ADAMTS6: variants seen among roughly 807,000 people sequenced by gnomAD.
ADAMTS6 encodes A disintegrin and metalloproteinase with thrombospondin motifs 6.
In ADAMTS6, 23 loss-of-function variants were observed where a neutral mutation model predicts 144.3. The observed-to-expected ratio is 0.16, with a 90% CI of 0.11 to 0.23. ADAMTS6 has a LOEUF of 0.23. ADAMTS6 is among the 10% of genes least tolerant of loss of function. The probability of loss-of-function intolerance (pLI) is 1.00; values close to 1 mark genes in which losing one functional copy is unlikely to be tolerated. For missense variants in ADAMTS6, 999 were observed against 1,379.6 expected (o/e 0.72, Z 4.37); for synonymous variants, 444 against 457.5 (o/e 0.97, Z 0.38).
chr5:65,324,812 C>A (rs1288245218), intron 9 of ADAMTS6, among the ~76,000 whole-genome samples: 1 of 152,080 alleles, frequency 6.6e-6, no homozygotes, highest in Non-Finnish European at 1.5e-5. Flanking sequence ...TCATTAAACA[C>A]CATGCTACCA....
At chr5:65,177,125 C>T (rs369078650) in intron 22 of ADAMTS6, among the ~76,000 whole-genome samples, 35 of 152,272 alleles carry the variant, frequency 2.3e-4, no homozygotes, top group African/African-American at 8.4e-4. Context: ...AAGGACCCTA[C>T]CTTGTGCTGT....
chr5:65,375,953 C>T lies in ADAMTS6; in HGVS notation c.1074-41868G>A, dbSNP rs541481786. ...GCCGTAAAAAATGATGAGTTCATGT[C>T]GTTTGTAGGGACATGGATGAAATTG... On this transcript the variant is annotated intron_variant, in intron 7 of 24. Coordinates refer to ENST00000381055, the MANE Select transcript of ADAMTS6 (RefSeq NM_197941.4). Among the ~76,000 whole-genome samples the T allele has an allele frequency of 7.2e-4, 110 of 152,260 alleles. 1 individual carries two copies. The highest frequency in any genetic ancestry group is 3.1e-3 in the Admixed American group (47 of 15,304).
At chr5:65,371,646 T>C (rs1457689638) in intron 7 of ADAMTS6, among the ~76,000 whole-genome samples, 2 of 152,146 alleles carry the variant, frequency 1.3e-5, no homozygotes, top group South Asian at 4.1e-4. Flanking sequence ...TACGTCTGAT[T>C]GGTGTACCTG....
At chr5:65,297,093 T>C in intron 10 of ADAMTS6, 1 of 412,390 alleles carries the variant, frequency 2.4e-6, no homozygotes, top group Non-Finnish European at 4.7e-6. Flanking sequence ...CGCAGGCAGA[T>C]AGGAAAGACA....
At chr5:65,466,829 T>G (rs930333716) in intron 3 of ADAMTS6, among the ~76,000 whole-genome samples, 2 of 152,030 alleles carry the variant, frequency 1.3e-5, no homozygotes, top group Non-Finnish European at 2.9e-5. Context: ...GATCACGAGG[T>G]CAGGAGATCG....
chr5:65,439,569 G>A (rs532151401), intron 7 of ADAMTS6, among the ~76,000 whole-genome samples: 3 of 152,162 alleles, frequency 2.0e-5, no homozygotes, highest in South Asian at 2.1e-4. Context: ...AAAGTCAAGC[G>A]AAAGAAAGGC....
At chr5:65,289,137 T>C (rs1742039411) in intron 11 of ADAMTS6, among the ~76,000 whole-genome samples, 1 of 152,200 alleles carries the variant, frequency 6.6e-6, no homozygotes, top group South Asian at 2.1e-4. Flanking sequence ...CACGATAAAA[T>C]ACTTAAAACT....
intron 7 of ADAMTS6, among the ~76,000 whole-genome samples, chr5:65,354,707 T>A (rs1325693861): frequency 2.6e-5 from 4 of 151,838 alleles, no homozygotes; most frequent in African/African-American, 9.7e-5. Context: ...ATATCTCTTT[T>A]ACTAAATATT....
At chr5:65,436,857 CA>C (rs34040574) in intron 7 of ADAMTS6, among the ~76,000 whole-genome samples, 4,672 of 114,528 alleles carry the variant, frequency 0.041, 84 homozygotes, top group South Asian at 0.074. Context: ...GACTCTGTCT[CA>C]AAAAAAAAAA....
chr5:65,285,525 T>A (rs1008194547), intron 11 of ADAMTS6, among the ~76,000 whole-genome samples: 1 of 152,166 alleles, frequency 6.6e-6, no homozygotes, highest in African/African-American at 2.4e-5. Flanking sequence ...TATCAGCTCA[T>A]TCATTCAACA....
At chr5:65,216,283 C>T (rs1025352654) in intron 18 of ADAMTS6, among the ~76,000 whole-genome samples, 8 of 151,998 alleles carry the variant, frequency 5.3e-5, no homozygotes, top group African/African-American at 1.9e-4. Flanking sequence ...TGATAACAAG[C>T]TATAATGTGA....
At chr5:65,245,650 A>T (rs1759564023) in intron 14 of ADAMTS6, among the ~76,000 whole-genome samples, 1 of 152,208 alleles carries the variant, frequency 6.6e-6, no homozygotes, top group Non-Finnish European at 1.5e-5. Flanking sequence ...TGGAAAACTG[A>T]ATAAAGATAG....
chr5:65,233,903 A>C (rs1257864050), intron 15 of ADAMTS6, among the ~76,000 whole-genome samples: 2 of 152,064 alleles, frequency 1.3e-5, no homozygotes, highest in African/African-American at 4.8e-5. Flanking sequence ...TAGCAATCAG[A>C]ACAGTATAGT....
At chr5:65,389,553 G>C (rs1169940769) in intron 7 of ADAMTS6, among the ~76,000 whole-genome samples, 1 of 151,912 alleles carries the variant, frequency 6.6e-6, no homozygotes, top group African/African-American at 2.4e-5. Flanking sequence ...TGGAGGATAT[G>C]AGAGTATATT....
At chr5:65,413,183 A>T (rs1755204900) in intron 7 of ADAMTS6, among the ~76,000 whole-genome samples, 1 of 152,194 alleles carries the variant, frequency 6.6e-6, no homozygotes, top group South Asian at 2.1e-4. Flanking sequence ...AAACAGGCTC[A>T]GCGGGCCACC....
chr5:65,319,144 A>G (rs1745289463), intron 9 of ADAMTS6, among the ~76,000 whole-genome samples: 1 of 152,180 alleles, frequency 6.6e-6, no homozygotes, highest in African/African-American at 2.4e-5. Context: ...ACAATCCAAG[A>G]AGAAATCACA....
chr5:65,305,081 A>G (rs1700853185), intron 9 of ADAMTS6, among the ~76,000 whole-genome samples: 1 of 152,134 alleles, frequency 6.6e-6, no homozygotes, highest in Non-Finnish European at 1.5e-5. Flanking sequence ...ATACATGCTG[A>G]AATGTTTAGG....
intron 7 of ADAMTS6, among the ~76,000 whole-genome samples, chr5:65,335,942 TA>T (rs149791119): frequency 4.0e-5 from 6 of 150,340 alleles, no homozygotes; most frequent in East Asian, 3.9e-4. Flanking sequence ...TAAGCCAGAT[TA>T]AAAAAAAAGA....
intron 7 of ADAMTS6, among the ~76,000 whole-genome samples, chr5:65,385,349 C>A (rs1412844498): frequency 6.6e-6 from 1 of 152,102 alleles, no homozygotes; most frequent in Non-Finnish European, 1.5e-5. Context: ...ATAAAATAAA[C>A]ACTAACAAAT....
Sources: allele counts gnomAD v4.1 joint callset (sites outside exome capture counted in the v4.1 genomes callset), GRCh38; gene constraint gnomAD v4.1.1; transcripts MANE v1.5; gene names NCBI Gene and HGNC (gene_info 2026-07-23, HGNC 2026-07-21).